Variants in SCHIP1 observed in about 807,000 individuals in gnomAD.
SCHIP1 encodes schwannomin interacting protein 1.
Under a neutral mutation model 29.7 loss-of-function variants are expected in SCHIP1, and 8 were observed. The observed-to-expected ratio is 0.27, with a 90% CI of 0.16 to 0.49. The LOEUF (loss-of-function observed/expected upper bound fraction) is 0.49. Among genes scored for constraint, SCHIP1 ranks in the 20% least tolerant of loss-of-function variants. SCHIP1 has a pLI of 0.99. For synonymous variants in SCHIP1, 76 were observed against 94.9 expected (o/e 0.80, Z 1.16); for missense variants, 193 against 294.6 (o/e 0.66, Z 2.52).
chr3:159,441,408 T>C, the SCHIP1 span, among the ~76,000 whole-genome samples: 1 of 152,170 alleles, frequency 6.6e-6, no homozygotes, highest in East Asian at 1.9e-4. Flanking sequence ...ACTGTCATCC[T>C]CATTTTATAG....
the SCHIP1 span, among the ~76,000 whole-genome samples, chr3:159,463,143 A>C: frequency 6.6e-6 from 1 of 151,852 alleles, no homozygotes; most frequent in Non-Finnish European, 1.5e-5. Context: ...TACAGTATAT[A>C]GTTCATAGCA....
the SCHIP1 span, among the ~76,000 whole-genome samples, chr3:159,679,567 A>G: frequency 6.6e-6 from 1 of 152,238 alleles, no homozygotes; most frequent in Admixed American, 6.5e-5. Flanking sequence ...TGTCATGAGT[A>G]AACAGAGGTA....
chr3:159,442,586 G>A, the SCHIP1 span, among the ~76,000 whole-genome samples: 1 of 152,178 alleles, frequency 6.6e-6, no homozygotes, highest in African/African-American at 2.4e-5. Context: ...GGGAGAATGG[G>A]TGCAGGGTGG....
At chr3:159,536,888 CT>C in the SCHIP1 span, among the ~76,000 whole-genome samples, 1 of 152,136 alleles carries the variant, frequency 6.6e-6, no homozygotes, top group African/African-American at 2.4e-5. Flanking sequence ...CTACATTTTA[CT>C]ATCATCTAGC....
the SCHIP1 span, among the ~76,000 whole-genome samples, chr3:159,538,613 A>G: frequency 1.3e-5 from 2 of 152,178 alleles, no homozygotes; most frequent in Non-Finnish European, 2.9e-5. Flanking sequence ...AAGCACAACC[A>G]TAAAAAGATA....
chr3:159,896,034 C>G (rs1269062452), intron 6 of SCHIP1, among the ~76,000 whole-genome samples: 9 of 152,196 alleles, frequency 5.9e-5, no homozygotes, highest in Admixed American at 4.6e-4. Context: ...TCACCCTATC[C>G]TCACTGCCAA....
the SCHIP1 span, among the ~76,000 whole-genome samples, chr3:159,517,868 G>T: frequency 6.6e-6 from 1 of 152,050 alleles, no homozygotes; most frequent in Non-Finnish European, 1.5e-5. Context: ...TAGTGGAAGA[G>T]ATTTTAAAAA....
In SCHIP1 at chr3:159,863,269, G is replaced by A. The variant is rs373157205; in HGVS notation, c.31-2894G>A. On this transcript the variant is annotated intron_variant, in intron 1 of 6. Transcript: ENST00000445224. ...GCAGGAGAATTGCTTGAACCTAGGA[G>A]GTGAATGTTGCAGTGAGTCGAAATG... Among the ~76,000 whole-genome samples, 17 of 152,186 alleles carry A rather than the reference G, an allele frequency of 1.1e-4. No individual in the cohort carries two copies. In the South Asian group the frequency reaches 3.3e-3, roughly 30 times the overall value.
the SCHIP1 span, among the ~76,000 whole-genome samples, chr3:159,615,240 A>G: frequency 6.6e-6 from 1 of 152,174 alleles, no homozygotes; most frequent in African/African-American, 2.4e-5. Flanking sequence ...TGTTGTGAGG[A>G]AGAGGGAAGA....
the SCHIP1 span, among the ~76,000 whole-genome samples, chr3:159,486,800 T>A: frequency 1.3e-5 from 2 of 152,236 alleles, no homozygotes; most frequent in South Asian, 4.1e-4. Flanking sequence ...TCTTTTTCAG[T>A]CTGTAGCTTT....
chr3:159,393,996 A>G, the SCHIP1 span, among the ~76,000 whole-genome samples: 150,677 of 152,058 alleles, frequency 0.99, 74,658 homozygotes, highest in Middle Eastern at 1. Flanking sequence ...TCATTGAGCA[A>G]TGGTTTGTAG....
At chr3:159,300,869 C>T in the SCHIP1 span, among the ~76,000 whole-genome samples, 1 of 152,106 alleles carries the variant, frequency 6.6e-6, no homozygotes, top group Non-Finnish European at 1.5e-5. Flanking sequence ...ACCAAATCAC[C>T]TCCTCCTTAA....
At chr3:159,878,113 T>C (rs1279599320) in intron 2 of SCHIP1, among the ~76,000 whole-genome samples, 1 of 152,222 alleles carries the variant, frequency 6.6e-6, no homozygotes, top group African/African-American at 2.4e-5. Context: ...CAAACACTGA[T>C]CTGCTCACCT....
chr3:159,652,136 C>T, the SCHIP1 span, among the ~76,000 whole-genome samples: 1 of 151,966 alleles, frequency 6.6e-6, no homozygotes, highest in Non-Finnish European at 1.5e-5. Context: ...TGTGCTTTTG[C>T]TATATTTGGC....
At chr3:159,396,527 A>T in the SCHIP1 span, among the ~76,000 whole-genome samples, 2 of 145,980 alleles carry the variant, frequency 1.4e-5, no homozygotes, top group Non-Finnish European at 3.0e-5. Flanking sequence ...TGGTGACAAA[A>T]TCTCTCAGCA....
the SCHIP1 span, among the ~76,000 whole-genome samples, chr3:159,680,417 G>A: frequency 6.8e-6 from 1 of 146,980 alleles, no homozygotes; most frequent in African/African-American, 2.5e-5. Flanking sequence ...GCTGAGGCAG[G>A]AGAACTGCTT....
the SCHIP1 span, among the ~76,000 whole-genome samples, chr3:159,800,632 G>T: frequency 1.3e-5 from 2 of 152,198 alleles, no homozygotes; most frequent in South Asian, 2.1e-4. Flanking sequence ...CTGGTGGCCC[G>T]TGAAGGTCCT....
the SCHIP1 span, among the ~76,000 whole-genome samples, chr3:159,402,519 T>C: frequency 1.3e-5 from 2 of 152,178 alleles, no homozygotes; most frequent in Admixed American, 6.5e-5. Flanking sequence ...TAGCAAAGAC[T>C]TGGAACCAAC....
the SCHIP1 span, among the ~76,000 whole-genome samples, chr3:159,573,828 A>T: frequency 6.6e-6 from 1 of 151,878 alleles, no homozygotes; most frequent in East Asian, 1.9e-4. Context: ...TTTTTTCTCT[A>T]ACCTTGTTTT....
Sources: gnomAD v4.1 joint callset for allele counts (sites outside exome capture counted in the v4.1 genomes callset) on GRCh38, gnomAD v4.1.1 for gene constraint, MANE v1.5 for transcripts, NCBI Gene and HGNC (gene_info 2026-07-23, HGNC 2026-07-21) for gene names.